PTPRG: variants seen among roughly 807,000 people sequenced by gnomAD.
PTPRG encodes the protein protein tyrosine phosphatase receptor type G.
In PTPRG, 102 loss-of-function variants were observed where a neutral mutation model predicts 165.3. The observed-to-expected ratio is 0.62, with a 90% CI of 0.53 to 0.73. The LOEUF is 0.73. PTPRG is among the 30% of genes least tolerant of loss of function. The pLI is 0.00. For synonymous variants in PTPRG, 675 were observed against 669.5 expected (o/e 1.01, Z -0.13); for missense variants, 1,866 against 1,861.4 (o/e 1.00, Z -0.05).
intron 2 of PTPRG, among the ~76,000 whole-genome samples, chr3:61,833,589 G>A (rs2036370682): frequency 6.6e-6 from 1 of 152,012 alleles, no homozygotes; most frequent in African/African-American, 2.4e-5. Context: ...TTGGAGACAA[G>A]TCTCACTCTG....
At chr3:62,069,405 A>C (rs1478178634) in intron 4 of PTPRG, among the ~76,000 whole-genome samples, 3 of 152,172 alleles carry the variant, frequency 2.0e-5, no homozygotes, top group Non-Finnish European at 4.4e-5. Flanking sequence ...AAGAGTGTGA[A>C]CTGGGCTGTA....
Position 62,003,350 on chromosome 3 carries a change from C to T in PTPRG, c.372C>T (p.Val124=), listed in dbSNP as rs761799368. 4.2e-5 allele frequency: 68 copies of T among 1,613,166 alleles called. No homozygotes were observed. In the Admixed American group the frequency reaches 9.7e-4, roughly 23 times the overall value. The change falls in exon 4 of 30, where the codon GTC becomes GTT. Residue 124 remains valine (V), a splice_region_variant and synonymous_variant. Transcript: ENST00000474889. ...KTWMKNTGKT[V]AILLKDDYFV... is the part of the protein sequence containing the mutation. The stretch of plus-strand genomic sequence containing the variant: ...TCTCTTCTCATTTGTTTCACACAGT[C>T]GCCATCCTTCTGAAAGACGACTATT...
At chr3:61,699,864 C>T (rs1328811948) in intron 1 of PTPRG, among the ~76,000 whole-genome samples, 1 of 152,168 alleles carries the variant, frequency 6.6e-6, no homozygotes, top group African/African-American at 2.4e-5. Context: ...AAAACTGAAA[C>T]ACTTGAAAAG....
chr3:61,927,526 G>C (rs78226906), intron 2 of PTPRG, among the ~76,000 whole-genome samples: 3,641 of 152,336 alleles, frequency 0.024, 56 homozygotes, highest in Middle Eastern at 0.048. Flanking sequence ...ACTTGGCCAT[G>C]AGTGTGGGCC....
At chr3:62,011,301 G>A (rs1482488591) in intron 4 of PTPRG, among the ~76,000 whole-genome samples, 3 of 152,198 alleles carry the variant, frequency 2.0e-5, no homozygotes, top group East Asian at 3.9e-4. Flanking sequence ...CACATGGGGC[G>A]GGTCGGAGGT....
At chr3:61,975,191 G>C (rs979447891) in intron 2 of PTPRG, among the ~76,000 whole-genome samples, 1 of 152,200 alleles carries the variant, frequency 6.6e-6, no homozygotes, top group African/African-American at 2.4e-5. Flanking sequence ...AAGAATTGGT[G>C]TGAAGGGTTA....
chr3:61,730,248 C>T, intron 1 of PTPRG, among the ~76,000 whole-genome samples: 1 of 133,220 alleles, frequency 7.5e-6, no homozygotes, highest in African/African-American at 2.9e-5. Flanking sequence ...CCTCAGCTGT[C>T]GTGCTTTTAC....
chr3:61,941,621 A>G (rs1017845701), intron 2 of PTPRG, among the ~76,000 whole-genome samples: 1 of 151,940 alleles, frequency 6.6e-6, no homozygotes, highest in East Asian at 1.9e-4. Flanking sequence ...CTCCATCTCA[A>G]CAAAACAAAA....
chr3:62,171,965 C>G (rs1368238204), intron 8 of PTPRG, among the ~76,000 whole-genome samples: 5 of 152,146 alleles, frequency 3.3e-5, no homozygotes, highest in Non-Finnish European at 7.3e-5. Flanking sequence ...CCTTTTGTCT[C>G]TATGAATTTG....
chr3:61,952,649 C>A (rs1339528060), intron 2 of PTPRG, among the ~76,000 whole-genome samples: 1 of 152,160 alleles, frequency 6.6e-6, no homozygotes, highest in Non-Finnish European at 1.5e-5. Flanking sequence ...AGTATCTCTG[C>A]CCATTTCTGC....
intron 2 of PTPRG, among the ~76,000 whole-genome samples, chr3:61,914,411 T>A (rs1361262239): frequency 6.6e-6 from 1 of 152,186 alleles, no homozygotes; most frequent in East Asian, 1.9e-4. Context: ...TCCAGAGAAA[T>A]GTGACTCCCG....
At chr3:61,643,388 G>A (rs1159474175) in intron 1 of PTPRG, among the ~76,000 whole-genome samples, 1 of 152,142 alleles carries the variant, frequency 6.6e-6, no homozygotes, top group Non-Finnish European at 1.5e-5. Flanking sequence ...TAAAATCTGG[G>A]CATTTGGAGA....
intron 10 of PTPRG, among the ~76,000 whole-genome samples, chr3:62,196,220 C>T (rs758785957): frequency 6.6e-6 from 1 of 151,536 alleles, no homozygotes; most frequent in Non-Finnish European, 1.5e-5. Context: ...GGTGAAACCC[C>T]GTCTCTACTA....
At chr3:61,780,100 G>A (rs2034501827) in intron 2 of PTPRG, among the ~76,000 whole-genome samples, 1 of 152,168 alleles carries the variant, frequency 6.6e-6, no homozygotes, top group Admixed American at 6.5e-5. Flanking sequence ...TGGCCAAAAA[G>A]CTTCATTGCC....
chr3:61,565,178 C>CA (rs1699876854), intron 1 of PTPRG, among the ~76,000 whole-genome samples: 1 of 152,150 alleles, frequency 6.6e-6, no homozygotes, highest in Admixed American at 6.5e-5. Context: ...ACAGCCCTGG[C>CA]ATGAGCTTTT....
At chr3:61,724,272 G>T (rs2032169215) in intron 1 of PTPRG, among the ~76,000 whole-genome samples, 1 of 150,922 alleles carries the variant, frequency 6.6e-6, no homozygotes, top group African/African-American at 2.4e-5. Flanking sequence ...TATATAGTGT[G>T]TGACTTTCAT....
intron 1 of PTPRG, among the ~76,000 whole-genome samples, chr3:61,574,188 C>T (rs1415922045): frequency 6.6e-6 from 1 of 152,150 alleles, no homozygotes; most frequent in Non-Finnish European, 1.5e-5. Flanking sequence ...ATGCAGAGAG[C>T]AGCAGAGCTT....
At chr3:61,700,515 T>C (rs537779143) in intron 1 of PTPRG, among the ~76,000 whole-genome samples, 1 of 152,346 alleles carries the variant, frequency 6.6e-6, no homozygotes, top group African/African-American at 2.4e-5. Context: ...GCTCAGTGAA[T>C]TCCCTGGTTG....
In PTPRG at chr3:61,562,135, A is replaced by C; in HGVS notation, c.-153A>C. ...CGGGGGGCGCTCGGCGGCTTCCCGG[A>C]TTCCAAGGGGACTCGGGCCGCCGAG... On this transcript the variant is annotated 5_prime_UTR_variant, in exon 1 of 30. Coordinates refer to ENST00000474889, the MANE Select transcript of PTPRG (RefSeq NM_002841.4). 90 of 466,398 alleles carry C rather than the reference A, an allele frequency of 1.9e-4. No individual in the cohort carries two copies. The highest frequency in any genetic ancestry group is 1.8e-4 in the Non-Finnish European group (47 of 254,716). The allele number at this position is 466,398 out of a possible 1,614,324, so 28.9% of individuals were successfully genotyped here.
Sources: allele counts gnomAD v4.1 joint callset (sites outside exome capture counted in the v4.1 genomes callset), GRCh38; gene constraint gnomAD v4.1.1; transcripts MANE v1.5; gene names NCBI Gene and HGNC (gene_info 2026-07-23, HGNC 2026-07-21).